IRGC: variants seen among roughly 807,000 people sequenced by gnomAD.
IRGC encodes the protein interferon-inducible GTPase 5.
IRGC carries 4 observed loss-of-function variants against 16.1 expected under a neutral mutation model. The observed-to-expected ratio is 0.25, with a 90% confidence interval of 0.12 to 0.57. The LOEUF (loss-of-function observed/expected upper bound fraction) is 0.57. Ranked by LOEUF, IRGC falls within the 20% of genes least tolerant of loss-of-function variation. The probability of loss-of-function intolerance (pLI) is 0.92; values close to 1 mark genes in which losing one functional copy is unlikely to be tolerated. For synonymous variants in IRGC, 307 were observed against 299.5 expected (o/e 1.03, Z -0.26); for missense variants, 570 against 643.9 (o/e 0.89, Z 1.24).
chr19:43,718,827 T>C lies in IRGC; in HGVS notation c.269T>C (p.Met90Thr), dbSNP rs777937948. 6 of 1,612,968 alleles carry C rather than the reference T, an allele frequency of 3.7e-6. No individual in the cohort carries two copies. Among genetic ancestry groups the C allele is most frequent in the Admixed American group, 1.7e-5 (1 of 60,004 alleles). The change falls in exon 2 of 2, where the codon ATG becomes ACG. Residue 90 changes from methionine to threonine, a missense_variant. Met to Thr is a moderately conservative substitution (Grantham distance 81). Coordinates refer to ENST00000244314, the MANE Select transcript of IRGC (RefSeq NM_019612.4). ...EDPGAALTGVMETTMQPSPYP... is the reference protein window; with the variant it reads ...EDPGAALTGVTETTMQPSPYP... ...CCTGGCGCGGCTCTCACGGGCGTCA[T>C]GGAGACCACGATGCAACCGTCGCCC... is the stretch of plus-strand genomic sequence containing the variant.
intron 1 of IRGC, 85 bp from the exon 2 acceptor site, chr19:43,718,408 G>A (rs756316974): frequency 2.0e-5 from 28 of 1,392,010 alleles, no homozygotes; most frequent in African/African-American, 4.4e-5. Flanking sequence ...CTTCCAGGGC[G>A]ACTCCCTTCA....
At position 43,719,826 on chromosome 19, in the gene IRGC, T is replaced by G. The variant is rs764651258; in HGVS notation, c.1268T>G (p.Val423Gly). ...VSLEVASDNG[V>G]EKGGSGEGGG... ...TTGGAAGTGGCCAGTGACAATGGCGTGGAAAAGGGGGGCTCCGGGGAGGGA... is the reference window on the plus strand; with the variant it reads ...TTGGAAGTGGCCAGTGACAATGGCGGGGAAAAGGGGGGCTCCGGGGAGGGA... Residue 423 changes from valine to glycine, a missense_variant, in exon 2 of 2, where the codon GTG (valine) becomes GGG (glycine). Physicochemically the swap from Val to Gly is moderately radical, Grantham distance 109. Transcript: ENST00000244314. 6.2e-7 allele frequency: 1 copy of G among 1,613,486 alleles called. No individual in the cohort carries two copies. The highest frequency in any genetic ancestry group is 8.5e-7 in the Non-Finnish European group (1 of 1,179,858).
In IRGC at chr19:43,719,846, G is replaced by A; in HGVS notation, c.1288G>A (p.Glu430Lys). 4 of 1,614,062 alleles carry A rather than the reference G, an allele frequency of 2.5e-6. No homozygotes were observed. Among genetic ancestry groups the A allele is most frequent in the Non-Finnish European group, 3.4e-6 (4 of 1,180,014 alleles). ...DNGVEKGGSG[E>K]GGGEEAPLST... ...TGGCGTGGAAAAGGGGGGCTCCGGG[G>A]AGGGAGGTGGGGAGGAAGCCCCACT... is the stretch of plus-strand genomic sequence containing the variant. Residue 430 changes from glutamate (E) to lysine (K), a missense_variant, in exon 2 of 2, where the codon GAG becomes AAG. By Grantham distance (56) the Glu-to-Lys change is moderately conservative. Transcript: ENST00000244314.
Position 43,719,625 on chromosome 19 carries a change from G to C in IRGC, c.1067G>C (p.Arg356Pro). ...LYSQSSDGAM[R>P]VARAFERGIP... ...TCCCAGTCGTCCGACGGCGCCATGC[G>C]GGTGGCCCGCGCCTTTGAGAGGGGC... Residue 356 changes from arginine (R) to proline (P), a missense_variant, in exon 2 of 2, where the codon CGG becomes CCG. By Grantham distance (103) the Arg-to-Pro change is moderately radical. Coordinates refer to ENST00000244314, the MANE Select transcript of IRGC (RefSeq NM_019612.4). 1 of 1,604,790 alleles carries C rather than the reference G, an allele frequency of 6.2e-7. No individual in the cohort carries two copies. The highest frequency in any genetic ancestry group is 1.1e-5 in the South Asian group (1 of 91,064).
In IRGC at chr19:43,719,821, T is replaced by C. The variant is rs1968244961; in HGVS notation, c.1263T>C (p.Asn421=). ...PEVSLEVASD[N]GVEKGGSGEG... is the part of the protein sequence containing the mutation. ...TCAGCTTGGAAGTGGCCAGTGACAATGGCGTGGAAAAGGGGGGCTCCGGGG... is the reference window on the plus strand; with the variant it reads ...TCAGCTTGGAAGTGGCCAGTGACAACGGCGTGGAAAAGGGGGGCTCCGGGG... The change falls in exon 2 of 2, where the codon AAT becomes AAC. Residue 421 remains asparagine, a synonymous_variant. Transcript: ENST00000244314. 1 of 1,609,012 alleles carries C rather than the reference T, an allele frequency of 6.2e-7. No homozygotes were observed. The highest frequency in any genetic ancestry group is 1.1e-5 in the South Asian group (1 of 90,904).
intron 1 of IRGC, among the ~76,000 whole-genome samples, chr19:43,717,596 G>A (rs897109413): frequency 3.9e-5 from 6 of 152,150 alleles, no homozygotes; most frequent in African/African-American, 1.2e-4. Context: ...GTCTGGCTCC[G>A]GGTCTGGGTC....
At chr19:43,717,178 G>A (rs920883527) in intron 1 of IRGC, among the ~76,000 whole-genome samples, 3 of 152,092 alleles carry the variant, frequency 2.0e-5, no homozygotes, top group Non-Finnish European at 2.9e-5. Context: ...CTGGCTTCCC[G>A]AACCCAAGGG....
At position 43,719,762 on chromosome 19, in the gene IRGC, A is replaced by T; in HGVS notation, c.1204A>T (p.Lys402Ter). 6.2e-7 allele frequency: 1 copy of T among 1,613,872 alleles called. No individual in the cohort carries two copies. The highest frequency in any genetic ancestry group is 8.5e-7 in the Non-Finnish European group (1 of 1,179,918). ...TGAGGACGCCCAGCGTGTCCGCATCAAGGCCCTGGAGGATGACGAGCCGCA... is the reference window on the plus strand; with the variant it reads ...TGAGGACGCCCAGCGTGTCCGCATCTAGGCCCTGGAGGATGACGAGCCGCA... ...MAEDAQRVRI[K>*]ALEDDEPQPE... Residue 402 changes from lysine to a stop codon, truncating the protein, a stop_gained, in exon 2 of 2, where the codon AAG (lysine) becomes TAG (stop). Coordinates refer to ENST00000244314, the MANE Select transcript of IRGC (RefSeq NM_019612.4). LOFTEE classifies it high-confidence loss of function.
Position 43,718,396 on chromosome 19 carries a change from G to A in IRGC, c.-66-97G>A, listed in dbSNP as rs1568585556. The A allele has an allele frequency of 1.4e-5, 19 of 1,347,452 alleles. No individual in the cohort carries two copies. In the East Asian group the frequency reaches 5.2e-4, roughly 37 times the overall value. 83.5% of individuals were successfully genotyped at this position (1,347,452 alleles called of 1,614,324 possible). ...TTCTTGAAGGAAAAAGAGAGCTGTG[G>A]GCTTCCAGGGCGACTCCCTTCACAT... is the stretch of plus-strand genomic sequence containing the variant. On this transcript the variant is annotated intron_variant, in intron 1 of 1. Coordinates refer to ENST00000244314, the MANE Select transcript of IRGC (RefSeq NM_019612.4).
Position 43,718,985 on chromosome 19 carries a change from C to A in IRGC, c.427C>A (p.Arg143Ser). ...RYDFFLLVSP[R>S]RCGAVETRLA... ...TGACTTCTTCCTGCTGGTCTCCCCCCGCCGCTGCGGGGCCGTCGAGACCCG... is the reference window on the plus strand; with the variant it reads ...TGACTTCTTCCTGCTGGTCTCCCCCAGCCGCTGCGGGGCCGTCGAGACCCG... The change falls in exon 2 of 2, where the codon CGC (arginine) becomes AGC (serine). Residue 143 changes from arginine to serine, a missense_variant. By Grantham distance (110) the Arg-to-Ser change is moderately radical (BLOSUM62 -1). Transcript: ENST00000244314. 1.2e-6 allele frequency: 2 copies of A among 1,610,212 alleles called. No homozygotes were observed. Among genetic ancestry groups the A allele is most frequent in the Non-Finnish European group, 1.7e-6 (2 of 1,178,774 alleles).
At position 43,718,517 on chromosome 19, in the gene IRGC, ACT is replaced by A; in HGVS notation, c.-38_-37del. 6.6e-7 allele frequency: 1 copy of A among 1,525,062 alleles called. No homozygotes were observed. The highest frequency in any genetic ancestry group is 1.4e-5 in the African/African-American group (1 of 72,082). The allele number at this position is 1,525,062 out of a possible 1,614,324, so 94.5% of individuals were successfully genotyped here. A position where few individuals can be genotyped will look rare whatever the true frequency, so the allele number is the denominator to read the frequency against. The stretch of plus-strand genomic sequence containing the variant: ...GGCGCTGAGGATCACGCATCCTGTG[ACT>A]CTCCCCTGTCCCCCGCCACCCTCTG... On this transcript the variant is annotated 5_prime_UTR_variant, in exon 2 of 2. Transcript: ENST00000244314.
Position 43,718,994 on chromosome 19 carries a change from G to A in IRGC, c.436G>A (p.Gly146Arg), listed in dbSNP as rs141443845. 9.9e-6 allele frequency: 16 copies of A among 1,612,002 alleles called. No individual in the cohort carries two copies. Among genetic ancestry groups the A allele is most frequent in the African/African-American group, 4.0e-5 (3 of 74,920 alleles). ...CCTGCTGGTCTCCCCCCGCCGCTGCGGGGCCGTCGAGACCCGCCTGGCCGC... is the reference window on the plus strand; with the variant it reads ...CCTGCTGGTCTCCCCCCGCCGCTGCAGGGCCGTCGAGACCCGCCTGGCCGC... ...FFLLVSPRRC[G>R]AVETRLAAEI... The change falls in exon 2 of 2, where the codon GGG becomes AGG. Residue 146 changes from glycine (G) to arginine (R), a missense_variant. Gly to Arg is a moderately radical substitution (Grantham distance 125). Coordinates refer to ENST00000244314, the MANE Select transcript of IRGC (RefSeq NM_019612.4).
rs762043191 is a variant in IRGC at position 43,718,718 on chromosome 19, C to T, written c.160C>T (p.Arg54Cys). Residue 54 changes from arginine (R) to cysteine (C), a missense_variant, in exon 2 of 2, where the codon CGC (arginine) becomes TGC (cysteine). Transcript: ENST00000244314. ...GCTGCTGGCCTCCACGGAAAGCATC[C>T]GCCTGGAGGTGGGCGTCACGGGCGA... ...QELLASTESI[R>C]LEVGVTGESG... 9 of 1,613,340 alleles carry T rather than the reference C, an allele frequency of 5.6e-6. No homozygotes were observed. The highest frequency in any genetic ancestry group is 1.3e-5 in the African/African-American group (1 of 75,074).
intron 1 of IRGC, among the ~76,000 whole-genome samples, chr19:43,717,620 C>T (rs945957029): frequency 1.3e-5 from 2 of 152,188 alleles, no homozygotes; most frequent in African/African-American, 4.8e-5. Flanking sequence ...TCCACCCTAC[C>T]CTCCAATCCC....
rs201293395 is a variant in IRGC, at chr19:43,719,401, G to C, written c.843G>C (p.Pro281=). 3 of 1,608,524 alleles carry C rather than the reference G, an allele frequency of 1.9e-6. No homozygotes were observed. Among genetic ancestry groups the C allele is most frequent in the African/African-American group, 1.3e-5 (1 of 74,868 alleles). Reference sequence around the variant, plus strand: ...TGTTGGGCGTCATCCAGGCCCTGCCGGTCCCAGGGCTGGCGGCCGCCTACG... The same window carrying C: ...TGTTGGGCGTCATCCAGGCCCTGCCCGTCCCAGGGCTGGCGGCCGCCTACG... ...ALVLGVIQAL[P]VPGLAAAYDD... The change falls in exon 2 of 2, where the codon CCG becomes CCC. Residue 281 remains proline (P), a synonymous_variant. Transcript: ENST00000244314.
At chr19:43,716,181 T>A (rs1233528186) in intron 1 of IRGC, 39 bp downstream of exon 1, 1 of 152,442 alleles carries the variant, frequency 6.6e-6, no homozygotes, top group Non-Finnish European at 1.5e-5. Flanking sequence ...CCCCTGTGCG[T>A]GGGCGGAGCA....
In IRGC at chr19:43,719,465, C is replaced by G; in HGVS notation, c.907C>G (p.Arg303Gly). The G allele has an allele frequency of 1.2e-6, 2 of 1,602,856 alleles. No homozygotes were observed. Among genetic ancestry groups the G allele is most frequent in the Non-Finnish European group, 1.7e-6 (2 of 1,176,146 alleles). The change falls in exon 2 of 2, where the codon CGC becomes GGC. Residue 303 changes from arginine (R) to glycine (G), a missense_variant. Coordinates refer to ENST00000244314, the MANE Select transcript of IRGC (RefSeq NM_019612.4). ...LLIHSLRGYH[R>G]SFGLDDDSLA... ...CATCCACTCACTGCGTGGCTACCAC[C>G]GCAGCTTTGGTCTGGACGACGACTC...
Position 43,719,158 on chromosome 19 carries a change from G to C in IRGC, c.600G>C (p.Glu200Asp). 1.2e-6 allele frequency: 2 copies of C among 1,609,872 alleles called. No homozygotes were observed. The highest frequency in any genetic ancestry group is 1.7e-6 in the Non-Finnish European group (2 of 1,179,682). The part of the protein sequence containing the change: ...VLQEIRDHCA[E>D]RLREAGVADP... ...AGGAGATCCGAGACCACTGTGCCGA[G>C]CGGCTGCGGGAGGCCGGCGTGGCTG... is the stretch of plus-strand genomic sequence containing the variant. The change falls in exon 2 of 2, where the codon GAG (glutamate) becomes GAC (aspartate). Residue 200 changes from glutamate (E) to aspartate (D), a missense_variant. Coordinates refer to ENST00000244314, the MANE Select transcript of IRGC (RefSeq NM_019612.4).
rs116277208 is a variant in IRGC at position 43,717,638 on chromosome 19, G to A, written c.-66-855G>A. On this transcript the variant is annotated intron_variant, in intron 1 of 1. Transcript: ENST00000244314. ...ACCCTACCCTCCAATCCCAGCCACC[G>A]CAGGAGTGCAGCTGTTTCCTCTGAA... Among the ~76,000 whole-genome samples the A allele has an allele frequency of 7.6e-3, 1,154 of 152,300 alleles. 11 individuals are homozygous for A. The highest frequency in any genetic ancestry group is 0.026 in the African/African-American group (1,088 of 41,568).
Sources: allele counts gnomAD v4.1 joint callset (sites outside exome capture counted in the v4.1 genomes callset), GRCh38; gene constraint gnomAD v4.1.1; transcripts MANE v1.5; gene names NCBI Gene and HGNC (gene_info 2026-07-23, HGNC 2026-07-21).